TMEM144: variants seen among roughly 807,000 people sequenced by gnomAD.
TMEM144 encodes transmembrane protein 144.
In TMEM144, 39 loss-of-function variants were observed where a neutral mutation model predicts 43.6. The observed-to-expected ratio is 0.90, with a 90% CI of 0.69 to 1.17. The LOEUF (loss-of-function observed/expected upper bound fraction) is 1.17, where lower values mean the gene tolerates loss of function less well. TMEM144 is among the 50% of genes most tolerant of loss of function. TMEM144 has a pLI of 0.00. For missense variants in TMEM144, 417 were observed against 411.9 expected (o/e 1.01, Z -0.11); for synonymous variants, 154 against 133.6 (o/e 1.15, Z -1.06).
Position 158,254,925 on chromosome 4 carries a change from C to T in TMEM144, c.*1398C>T, listed in dbSNP as rs2111163847. ...AAATGGAGTTTATGATGGCATCTACCTCACATGGTTATTGTGTGGTTGAAA... is the reference window on the plus strand; with the variant it reads ...AAATGGAGTTTATGATGGCATCTACTTCACATGGTTATTGTGTGGTTGAAA... On this transcript the variant is annotated 3_prime_UTR_variant, in exon 13 of 13. Coordinates refer to ENST00000296529, the MANE Select transcript of TMEM144 (RefSeq NM_018342.5). The T allele has an allele frequency of 6.6e-6, 1 of 152,256 alleles. No individual in the cohort carries two copies. The highest frequency in any genetic ancestry group is 1.9e-4 in the East Asian group (1 of 5,184). The allele number at this position is 152,256 out of a possible 1,614,324, so 9.4% of individuals were successfully genotyped here.
chr4:158,215,656 T>G (rs1734186667), intron 4 of TMEM144, among the ~76,000 whole-genome samples: 3 of 152,210 alleles, frequency 2.0e-5, no homozygotes, highest in Admixed American at 2.0e-4. Flanking sequence ...TCAGAAAATA[T>G]TTATTAAATA....
intron 3 of TMEM144, among the ~76,000 whole-genome samples, chr4:158,214,273 C>T (rs1467014905): frequency 6.6e-6 from 1 of 152,128 alleles, no homozygotes; most frequent in Admixed American, 6.5e-5. Flanking sequence ...GGCAGTCCAC[C>T]TACTTTGGCC....
chr4:158,253,077 C>T (rs1736290679), intron 12 of TMEM144, among the ~76,000 whole-genome samples: 1 of 152,190 alleles, frequency 6.6e-6, no homozygotes, highest in African/African-American at 2.4e-5. Context: ...TTCCCACCCT[C>T]CAAACCAGCA....
In TMEM144 at chr4:158,253,431, T is replaced by G. The variant is rs1482163705; in HGVS notation, c.955-13T>G. On this transcript the variant is annotated splice_polypyrimidine_tract_variant and intron_variant, in intron 12 of 12. Transcript: ENST00000296529. ...GGCCTTATTCATCACTGTTATTCTT[T>G]TTTCTTATTCAGGGTCTACAAAACT... 6.2e-7 allele frequency: 1 copy of G among 1,604,480 alleles called. No individual in the cohort carries two copies. The highest frequency in any genetic ancestry group is 1.3e-5 in the African/African-American group (1 of 74,662).
At chr4:158,229,522 C>T (rs1734960479) in intron 6 of TMEM144, among the ~76,000 whole-genome samples, 2 of 152,046 alleles carry the variant, frequency 1.3e-5, no homozygotes, top group East Asian at 1.9e-4. Flanking sequence ...TTGACTGTCC[C>T]TTTTGGAGGG....
intron 12 of TMEM144, among the ~76,000 whole-genome samples, chr4:158,248,643 T>C (rs1203233906): frequency 6.6e-6 from 1 of 152,194 alleles, no homozygotes; most frequent in African/African-American, 2.4e-5. Flanking sequence ...ATTTTTAAAG[T>C]ATTTTTGTAG....
At chr4:158,241,460 T>C (rs1283622589) in intron 10 of TMEM144, 49 bp from the exon 11 acceptor site, 9 of 1,426,828 alleles carry the variant, frequency 6.3e-6, no homozygotes, top group Non-Finnish European at 8.9e-6. Context: ...GTGTGAGTTC[T>C]TCAGGAGGGG....
intron 7 of TMEM144, chr4:158,233,252 TAA>T (rs1038665378): frequency 4.5e-6 from 1 of 220,516 alleles, no homozygotes; most frequent in African/African-American, 2.3e-5. Flanking sequence ...TGTAATGATT[TAA>T]AGATTCCTAC....
chr4:158,232,856 A>G, intron 6 of TMEM144, 45 bp from the exon 7 acceptor site: 1 of 1,335,862 alleles, frequency 7.5e-7, no homozygotes, highest in Non-Finnish European at 1.1e-6. Flanking sequence ...GCTTGATATA[A>G]ACCAGTATTA....
intron 5 of TMEM144, among the ~76,000 whole-genome samples, chr4:158,218,556 A>C (rs941900165): frequency 1.3e-5 from 2 of 151,132 alleles, no homozygotes; most frequent in African/African-American, 4.9e-5. Context: ...GATGGTTCTC[A>C]GTGATTCTTG....
chr4:158,221,195 A>G (rs1579109954), intron 6 of TMEM144, among the ~76,000 whole-genome samples: 1 of 152,182 alleles, frequency 6.6e-6, no homozygotes, highest in African/African-American at 2.4e-5. Context: ...AGGTATTTTA[A>G]ACAGGAGAGG....
At chr4:158,243,267 A>T (rs889796727) in intron 11 of TMEM144, among the ~76,000 whole-genome samples, 1 of 152,192 alleles carries the variant, frequency 6.6e-6, no homozygotes, top group Admixed American at 6.5e-5. Context: ...AACTTACATC[A>T]TTGATAAAAG....
chr4:158,227,981 C>T (rs1480081045), intron 6 of TMEM144, among the ~76,000 whole-genome samples: 1 of 152,170 alleles, frequency 6.6e-6, no homozygotes, highest in Non-Finnish European at 1.5e-5. Context: ...ACCATGCTCA[C>T]ACCACACACA....
intron 8 of TMEM144, among the ~76,000 whole-genome samples, chr4:158,236,171 A>G (rs1402112796): frequency 6.6e-6 from 1 of 152,190 alleles, no homozygotes; most frequent in Admixed American, 6.5e-5. Context: ...CTTTTGACTC[A>G]AGAATATAAA....
At chr4:158,249,968 G>C (rs556694510) in intron 12 of TMEM144, among the ~76,000 whole-genome samples, 2 of 148,594 alleles carry the variant, frequency 1.3e-5, no homozygotes, top group African/African-American at 4.9e-5. Context: ...CAAGGTTTTC[G>C]GGTGCTTCTA....
At chr4:158,235,578 G>C (rs1184070153) in intron 8 of TMEM144, 73 bp downstream of exon 8, 2 of 1,439,434 alleles carry the variant, frequency 1.4e-6, no homozygotes, top group Admixed American at 4.0e-5. Context: ...CCAGCATGAA[G>C]TAATGTTCAT....
At position 158,244,364 on chromosome 4, in the gene TMEM144, G is replaced by A. The variant is rs765661261; in HGVS notation, c.954+15G>A. On this transcript the variant is annotated intron_variant, in intron 12 of 12. Transcript: ENST00000296529. The stretch of plus-strand genomic sequence containing the variant: ...AGGAAATAAAGGTATGTACAAGAAA[G>A]GGCAGACTTAGAAAATGGGAATGGG... 1.1e-5 allele frequency: 17 copies of A among 1,605,114 alleles called. No homozygotes were observed. The East Asian group carries it at 3.2e-4, about 30-fold the overall frequency.
chr4:158,235,914 T>C (rs559370716), intron 8 of TMEM144, among the ~76,000 whole-genome samples: 159 of 152,344 alleles, frequency 1.0e-3, no homozygotes, highest in Admixed American at 2.2e-3. Flanking sequence ...CTCCTGTGTT[T>C]AGACAGTTAT....
At chr4:158,239,285 C>G (rs1290777427) in intron 9 of TMEM144, among the ~76,000 whole-genome samples, 1 of 152,212 alleles carries the variant, frequency 6.6e-6, no homozygotes, top group African/African-American at 2.4e-5. Flanking sequence ...AACATGGCCA[C>G]TCATCTTTGT....
Sources: gnomAD v4.1 joint callset for allele counts (sites outside exome capture counted in the v4.1 genomes callset) on GRCh38, gnomAD v4.1.1 for gene constraint, MANE v1.5 for transcripts, NCBI Gene and HGNC (gene_info 2026-07-23, HGNC 2026-07-21) for gene names.